MACROD2: variants seen among roughly 807,000 people sequenced by gnomAD.
The protein encoded by MACROD2 is ADP-ribose glycohydrolase MACROD2.
Under a neutral mutation model 70.4 loss-of-function variants are expected in MACROD2, and 36 were observed. The observed-to-expected ratio is 0.51, with a 90% CI of 0.39 to 0.68. The LOEUF is 0.68. Ranked by LOEUF, MACROD2 falls within the 30% of genes least tolerant of loss-of-function variation. The pLI, the probability that MACROD2 is intolerant of heterozygous loss-of-function variation, is 0.00. For missense variants in MACROD2, 496 were observed against 538.4 expected, an observed-to-expected ratio of 0.92 and a Z score of 0.78; for synonymous variants, 172 against 178.8, an observed-to-expected ratio of 0.96 and a Z score of 0.30.
At chr20:14,376,280 C>T (rs973230405) in intron 3 of MACROD2, among the ~76,000 whole-genome samples, 4 of 151,958 alleles carry the variant, frequency 2.6e-5, no homozygotes, top group African/African-American at 9.7e-5. Context: ...CAATTTACAC[C>T]TTTACACTTT....
At chr20:14,730,826 GA>G (rs1298027114) in intron 5 of MACROD2, among the ~76,000 whole-genome samples, 1 of 152,082 alleles carries the variant, frequency 6.6e-6, no homozygotes, top group East Asian at 1.9e-4. Flanking sequence ...TGAGAAAAGG[GA>G]GATCAGGTTT....
chr20:15,477,882 G>A (rs946360338), intron 7 of MACROD2, among the ~76,000 whole-genome samples: 8 of 152,146 alleles, frequency 5.3e-5, no homozygotes, highest in African/African-American at 7.2e-5. Flanking sequence ...ACAATGCACC[G>A]TAACAGCAGA....
At chr20:15,071,930 C>T (rs1168477033) in intron 5 of MACROD2, among the ~76,000 whole-genome samples, 2 of 152,092 alleles carry the variant, frequency 1.3e-5, no homozygotes, top group Non-Finnish European at 2.9e-5. Context: ...TCTCATTCCA[C>T]TTGTTACCTA....
Position 15,000,392 on chromosome 20 carries a change from G to A in MACROD2, c.419-229548G>A, listed in dbSNP as rs541872094. ...TAGTCCCAGCACTTTGGGAGGCCGA[G>A]GCGGGTGGATCATGAGGTCAGGAGA... On this transcript the variant is annotated intron_variant, in intron 5 of 17. Transcript: ENST00000684519. Among the ~76,000 whole-genome samples, 18 of 148,452 alleles carry A rather than the reference G, an allele frequency of 1.2e-4. No individual in the cohort carries two copies. In the South Asian group the frequency reaches 1.5e-3, roughly 12 times the overall value.
chr20:14,952,701 A>AT lies in MACROD2; in HGVS notation c.418+267749dup, dbSNP rs554591373. Among the ~76,000 whole-genome samples, 1,008 of 152,156 alleles carry AT rather than the reference A, an allele frequency of 6.6e-3. 6 individuals carry two copies. Among genetic ancestry groups the AT allele is most frequent in the Middle Eastern group, 0.021 (6 of 292 alleles). ...CATCATATATCATCAGTGGAAATATATTTTTTTCATATTTTATATGTATAC... is the reference window on the plus strand; with the variant it reads ...CATCATATATCATCAGTGGAAATATATTTTTTTTCATATTTTATATGTATAC... On this transcript the variant is annotated intron_variant, in intron 5 of 17. Coordinates refer to ENST00000684519, the MANE Select transcript of MACROD2 (RefSeq NM_001351661.2).
At chr20:14,041,197 G>A (rs772980637) in intron 2 of MACROD2, among the ~76,000 whole-genome samples, 1 of 152,196 alleles carries the variant, frequency 6.6e-6, no homozygotes, top group Non-Finnish European at 1.5e-5. Context: ...AAAACAAATT[G>A]TGCATGATAG....
At chr20:14,278,240 T>C (rs1333810048) in intron 3 of MACROD2, among the ~76,000 whole-genome samples, 1 of 152,248 alleles carries the variant, frequency 6.6e-6, no homozygotes, top group African/African-American at 2.4e-5. Flanking sequence ...AATAATTTCA[T>C]TGAAGTATTG....
chr20:14,482,271 A>G (rs1309029790), intron 3 of MACROD2, among the ~76,000 whole-genome samples: 5 of 151,626 alleles, frequency 3.3e-5, no homozygotes, highest in African/African-American at 1.2e-4. Flanking sequence ...CAGATTGGAA[A>G]AAGAAGAAAT....
rs546135830 is a variant in MACROD2 at position 15,616,230 on chromosome 20, A to G, written c.645+116383A>G. Among the ~76,000 whole-genome samples, 7 of 149,438 alleles carry G rather than the reference A, an allele frequency of 4.7e-5. No homozygotes were observed. In the South Asian group the frequency reaches 1.5e-3, roughly 32 times the overall value. ...GTGATTCTCGTGCCTCAGCCTCCCT[A>G]GTAGCTGGGATTACAGGTGTATGCC... On this transcript the variant is annotated intron_variant, in intron 8 of 17. Transcript: ENST00000684519.
At chr20:15,033,651 G>A (rs1021665604) in intron 5 of MACROD2, among the ~76,000 whole-genome samples, 1 of 152,170 alleles carries the variant, frequency 6.6e-6, no homozygotes, top group African/African-American at 2.4e-5. Context: ...TAAGCTAAGC[G>A]TGCATCCACT....
intron 4 of MACROD2, among the ~76,000 whole-genome samples, chr20:14,538,223 C>CTA (rs1241866728): frequency 1.3e-5 from 2 of 152,202 alleles, no homozygotes; most frequent in Non-Finnish European, 2.9e-5. Flanking sequence ...AGTAAGCTGT[C>CTA]TAGAGTCTCT....
intron 5 of MACROD2, among the ~76,000 whole-genome samples, chr20:15,107,025 T>C (rs2075915731): frequency 6.7e-6 from 1 of 149,176 alleles, no homozygotes; most frequent in South Asian, 2.1e-4. Context: ...CACACAATCC[T>C]TTATATACCT....
chr20:15,852,127 A>C (rs2064306344), intron 8 of MACROD2, among the ~76,000 whole-genome samples: 1 of 152,194 alleles, frequency 6.6e-6, no homozygotes, highest in African/African-American at 2.4e-5. Context: ...GAGCAGCTTC[A>C]AGGACCACGA....
At chr20:16,011,028 A>G (rs2066856358) in intron 15 of MACROD2, among the ~76,000 whole-genome samples, 1 of 152,238 alleles carries the variant, frequency 6.6e-6, no homozygotes, top group Non-Finnish European at 1.5e-5. Flanking sequence ...CACTTGGGAC[A>G]GAGTATCTTT....
chr20:15,288,876 T>TCTAG (rs2077516199), intron 6 of MACROD2, among the ~76,000 whole-genome samples: 1 of 113,988 alleles, frequency 8.8e-6, no homozygotes, highest in Non-Finnish European at 1.9e-5. Context: ...TGTCTATCTA[T>TCTAG]CTATCTATCT....
intron 5 of MACROD2, among the ~76,000 whole-genome samples, chr20:14,805,039 C>T (rs1472494913): frequency 1.3e-5 from 2 of 151,970 alleles, no homozygotes; most frequent in Non-Finnish European, 2.9e-5. Flanking sequence ...TTTATGTGAG[C>T]TTCAGTGGGT....
chr20:14,592,835 A>C (rs1388604066), intron 4 of MACROD2, among the ~76,000 whole-genome samples: 1 of 152,212 alleles, frequency 6.6e-6, no homozygotes, highest in Non-Finnish European at 1.5e-5. Context: ...TATTTTACAT[A>C]TTTAGATGTG....
chr20:14,471,718 C>T (rs2084532833), intron 3 of MACROD2, among the ~76,000 whole-genome samples: 1 of 151,990 alleles, frequency 6.6e-6, no homozygotes, highest in African/African-American at 2.4e-5. Context: ...TTCTAAGGTT[C>T]TAAGGTTAGA....
chr20:15,920,215 A>T (rs1033148322), intron 10 of MACROD2, among the ~76,000 whole-genome samples: 3 of 152,216 alleles, frequency 2.0e-5, no homozygotes, highest in Admixed American at 1.3e-4. Flanking sequence ...CACAAAATAT[A>T]TGCAGAAAGG....
Sources: gnomAD v4.1 joint callset for allele counts (sites outside exome capture counted in the v4.1 genomes callset) on GRCh38, gnomAD v4.1.1 for gene constraint, MANE v1.5 for transcripts, NCBI Gene and HGNC (gene_info 2026-07-23, HGNC 2026-07-21) for gene names.